Variants in NLGN1 observed in about 807,000 individuals in gnomAD.
The protein encoded by NLGN1 is neuroligin 1, also known as neuroligin-1.
In NLGN1, 12 loss-of-function variants were observed where a neutral mutation model predicts 65.5. The ratio of observed to expected loss-of-function variants is 0.18; its 90% CI spans 0.12 to 0.30. NLGN1 has a LOEUF of 0.30. Ranked by LOEUF, NLGN1 falls within the 10% of genes least tolerant of loss-of-function variation. NLGN1 has a pLI of 1.00. For missense variants in NLGN1, 750 were observed against 1,007.1 expected (o/e 0.74, Z 3.46); for synonymous variants, 350 against 359.5 (o/e 0.97, Z 0.30).
chr3:173,861,115 T>C (rs983192298), intron 4 of NLGN1, among the ~76,000 whole-genome samples: 2 of 152,208 alleles, frequency 1.3e-5, no homozygotes, highest in Admixed American at 1.3e-4. Context: ...ATTAGCCTGT[T>C]ATAAATTCAG....
intron 4 of NLGN1, among the ~76,000 whole-genome samples, chr3:174,262,999 G>A (rs1197284137): frequency 7.8e-6 from 1 of 128,262 alleles, no homozygotes; most frequent in Admixed American, 8.2e-5. Context: ...GCGGCTTTGA[G>A]TGAGATTCTT....
At chr3:174,260,048 T>C (rs1373839290) in intron 4 of NLGN1, among the ~76,000 whole-genome samples, 26 of 152,198 alleles carry the variant, frequency 1.7e-4, no homozygotes, top group Non-Finnish European at 2.2e-4. Context: ...TATTCCATGG[T>C]GTATATGTGC....
At chr3:173,967,143 A>G (rs530995765) in intron 4 of NLGN1, among the ~76,000 whole-genome samples, 4 of 152,336 alleles carry the variant, frequency 2.6e-5, no homozygotes, top group South Asian at 2.1e-4. Flanking sequence ...GATGGATATC[A>G]GCAGGGTGGC....
intron 3 of NLGN1, among the ~76,000 whole-genome samples, chr3:173,616,920 C>T (rs1042003772): frequency 1.3e-5 from 2 of 152,132 alleles, no homozygotes; most frequent in Admixed American, 6.6e-5. Flanking sequence ...TCCCTACTAT[C>T]GCCTAGAACA....
At chr3:173,689,800 A>G (rs1289186263) in intron 3 of NLGN1, among the ~76,000 whole-genome samples, 1 of 152,230 alleles carries the variant, frequency 6.6e-6, no homozygotes, top group African/African-American at 2.4e-5. Flanking sequence ...CAAAAATGCA[A>G]AGAAGGAAAG....
chr3:174,179,356 A>G (rs1446209625), intron 4 of NLGN1, among the ~76,000 whole-genome samples: 2 of 152,132 alleles, frequency 1.3e-5, no homozygotes, highest in African/African-American at 2.4e-5. Context: ...GTAAAGTTGA[A>G]TATGTGTGTT....
chr3:173,480,553 A>G (rs1450126663), intron 2 of NLGN1, among the ~76,000 whole-genome samples: 1 of 152,190 alleles, frequency 6.6e-6, no homozygotes, highest in African/African-American at 2.4e-5. Flanking sequence ...AGACAGATTT[A>G]TAGCAGTTAC....
intron 2 of NLGN1, among the ~76,000 whole-genome samples, chr3:173,501,775 G>A (rs1404006176): frequency 1.3e-5 from 2 of 151,714 alleles, no homozygotes; most frequent in Non-Finnish European, 2.9e-5. Flanking sequence ...ATCTCATAGT[G>A]TAAAGAATAG....
At chr3:173,680,840 G>T (rs1763849523) in intron 3 of NLGN1, among the ~76,000 whole-genome samples, 3 of 152,138 alleles carry the variant, frequency 2.0e-5, no homozygotes, top group African/African-American at 7.2e-5. Context: ...TCTGAACAAA[G>T]AACTAATGCA....
At chr3:174,113,891 G>T (rs2152625116) in intron 4 of NLGN1, among the ~76,000 whole-genome samples, 1 of 152,222 alleles carries the variant, frequency 6.6e-6, no homozygotes, top group East Asian at 1.9e-4. Context: ...GTCTATATCA[G>T]CTCTTTTTAT....
At position 174,265,767 on chromosome 3, in the gene NLGN1, A is replaced by ATATATATG. The variant is rs1202654989; in HGVS notation, c.647-9541_647-9540insGTATATAT. ...CTCTACCTAAAACTAAGAAGGCTAT[A>ATATATATG]TATATATATATATATGTATATATAT... On this transcript the variant is annotated intron_variant, in intron 4 of 6. Transcript: ENST00000457714. 1.4e-4 allele frequency among the ~76,000 whole-genome samples: 16 copies of ATATATATG among 116,334 alleles called. 1 individual carries two copies. Among genetic ancestry groups the ATATATATG allele is most frequent in the African/African-American group, 4.3e-4 (12 of 28,230 alleles). The allele number at this position is 116,334 out of a possible 152,430, so 76.3% of individuals were successfully genotyped here.
intron 3 of NLGN1, among the ~76,000 whole-genome samples, chr3:173,750,195 C>T (rs1553834198): frequency 6.6e-6 from 1 of 151,564 alleles, no homozygotes; most frequent in Non-Finnish European, 1.5e-5. Context: ...GCAGATCTAC[C>T]CTCTCCTATC....
At chr3:173,912,890 T>C (rs1354310875) in intron 4 of NLGN1, among the ~76,000 whole-genome samples, 5 of 152,170 alleles carry the variant, frequency 3.3e-5, no homozygotes, top group African/African-American at 1.2e-4. Flanking sequence ...ACTGTGTTAA[T>C]ATTGATCCCT....
chr3:173,657,345 G>A (rs1478965693), intron 3 of NLGN1, among the ~76,000 whole-genome samples: 1 of 151,924 alleles, frequency 6.6e-6, no homozygotes, highest in African/African-American at 2.4e-5. Context: ...AATTGAATTG[G>A]TTTTTGACCT....
intron 4 of NLGN1, among the ~76,000 whole-genome samples, chr3:174,176,145 T>C (rs1240366257): frequency 6.6e-6 from 1 of 151,954 alleles, no homozygotes; most frequent in Non-Finnish European, 1.5e-5. Flanking sequence ...CTATGTAATT[T>C]ACAAGTCATG....
At chr3:173,823,738 A>G (rs4488865) in intron 4 of NLGN1, among the ~76,000 whole-genome samples, 1 of 151,908 alleles carries the variant, frequency 6.6e-6, no homozygotes, top group Non-Finnish European at 1.5e-5. Context: ...ATTGTTGTAA[A>G]TAAAGTTTTT....
At chr3:173,989,704 G>A (rs532361421) in intron 4 of NLGN1, among the ~76,000 whole-genome samples, 1 of 152,250 alleles carries the variant, frequency 6.6e-6, no homozygotes, top group Non-Finnish European at 1.5e-5. Flanking sequence ...CTTACCGCAG[G>A]TGCATCAAGT....
At chr3:174,139,877 C>T (rs1721982529) in intron 4 of NLGN1, among the ~76,000 whole-genome samples, 2 of 152,150 alleles carry the variant, frequency 1.3e-5, no homozygotes, top group Non-Finnish European at 1.5e-5. Context: ...TGCTTACTTA[C>T]CATTTGAACA....
chr3:173,802,379 T>C (rs1285097760), intron 3 of NLGN1, among the ~76,000 whole-genome samples: 1 of 152,194 alleles, frequency 6.6e-6, no homozygotes, highest in Admixed American at 6.5e-5. Context: ...ATTGAATCAA[T>C]AAATATTTTT....
Sources: allele counts gnomAD v4.1 joint callset (sites outside exome capture counted in the v4.1 genomes callset), GRCh38; gene constraint gnomAD v4.1.1; transcripts MANE v1.5; gene names NCBI Gene and HGNC (gene_info 2026-07-23, HGNC 2026-07-21).